POLE: variants seen among roughly 807,000 people sequenced by gnomAD.
POLE encodes DNA polymerase epsilon catalytic subunit A.
A neutral mutation model predicts 279.2 loss-of-function variants in POLE; 188 were observed. The observed-to-expected ratio is 0.67, with a 90% CI of 0.60 to 0.76. The LOEUF (loss-of-function observed/expected upper bound fraction) is 0.76. Among genes scored for constraint, POLE ranks in the 30% least tolerant of loss-of-function variants. The probability of loss-of-function intolerance (pLI) is 0.00; values close to 1 mark genes in which losing one functional copy is unlikely to be tolerated. For synonymous variants in POLE, 1,214 were observed against 1,172.5 expected, an observed-to-expected ratio of 1.04 and a Z score of -0.72; for missense variants, 2,703 against 3,016.7, an observed-to-expected ratio of 0.90 and a Z score of 2.44.
At position 132,672,809 on chromosome 12, in the gene POLE, C is replaced by G. The variant is rs764955570; in HGVS notation, c.1504G>C (p.Glu502Gln). Residue 502 changes from glutamate (E) to glutamine (Q), a missense_variant, in exon 15 of 49, where the codon GAG (glutamate) becomes CAG (glutamine). Transcript: ENST00000320574. Reference sequence around the variant, plus strand: ...AAGGCCTGCACCATCAGCAAGGCCTCACACAGAGTGCCAGAGCCCTTCCGC... The same window carrying G: ...AAGGCCTGCACCATCAGCAAGGCCTGACACAGAGTGCCAGAGCCCTTCCGC... The part of the protein sequence containing the change: ...VLRKGSGTLC[E>Q]ALLMVQAFHA... 1.9e-6 allele frequency: 3 copies of G among 1,614,022 alleles called. No homozygotes were observed. Among genetic ancestry groups the G allele is most frequent in the African/African-American group, 2.7e-5 (2 of 74,944 alleles).
intron 2 of POLE, 137 bp downstream of exon 2, chr12:132,681,001 G>C (rs2043153946): frequency 4.9e-6 from 5 of 1,013,188 alleles, no homozygotes; most frequent in Admixed American, 2.6e-5. Flanking sequence ...GAGGAAAGGA[G>C]AGCTGGGAAC....
chr12:132,643,241 CG>C lies in POLE; in HGVS notation c.4533del (p.Val1512SerfsTer50). The C allele has an allele frequency of 6.2e-7, 1 of 1,613,682 alleles. No homozygotes were observed. The highest frequency in any genetic ancestry group is 8.5e-7 in the Non-Finnish European group (1 of 1,179,958). ...GIFIPSQRRA[S>X]VFVLDTVRSN... ...GGACTCACAGTGTCCAGCACAAAGA[CG>C]GATGCCCTGCGCTGTGAGGGGATGA... On this transcript the variant is annotated frameshift_variant, in exon 35 of 49. Transcript: ENST00000320574. LOFTEE classifies it high-confidence loss of function.
intron 45 of POLE, 63 bp from the exon 46 acceptor site, chr12:132,626,380 AC>A (rs2138433030): frequency 6.7e-7 from 1 of 1,491,746 alleles, no homozygotes; most frequent in Non-Finnish European, 9.3e-7. Flanking sequence ...CTCTGTCTGG[AC>A]CAGAACCCTC....
chr12:132,629,265 C>G (rs779157639), intron 45 of POLE, among the ~76,000 whole-genome samples: 1 of 152,216 alleles, frequency 6.6e-6, no homozygotes, highest in Non-Finnish European at 1.5e-5. Context: ...ACTGAATGAG[C>G]AGTGGCTTCG....
rs1188267036 is a variant in POLE, at chr12:132,634,697, T to C, written c.5812-319A>G. On this transcript the variant is annotated intron_variant, in intron 42 of 48. Coordinates refer to ENST00000320574, the MANE Select transcript of POLE (RefSeq NM_006231.4). This position sits in a 1 kb window ranked among gnomAD's most constrained non-coding sequence, Gnocchi z 4.0. ...GAAAGAACCAGCCAGAGCTTCCCGG[T>C]GACTGTTCTCTCCTCTGAGTCCATG... is the stretch of plus-strand genomic sequence containing the variant. Among the ~76,000 whole-genome samples, 1 of 152,160 alleles carries C rather than the reference T, an allele frequency of 6.6e-6. No homozygotes were observed. Among genetic ancestry groups the C allele is most frequent in the Non-Finnish European group, 1.5e-5 (1 of 68,024 alleles).
intron 26 of POLE, 161 bp from the exon 27 acceptor site, chr12:132,658,131 A>G (rs558961398): frequency 4.5e-5 from 26 of 579,184 alleles, no homozygotes; most frequent in East Asian, 3.8e-4. Flanking sequence ...ACATGCCTAC[A>G]GGTTCCTCGG....
In POLE at chr12:132,668,557, CCCA is replaced by C. The variant is rs1228622723; in HGVS notation, c.2027-58_2027-56del. ...AAAGGAGGCACAGACACACCGGCTT[CCCA>C]CCAAGTGGAGAAAGGCGGCCGACAC... is the stretch of plus-strand genomic sequence containing the variant. On this transcript the variant is annotated intron_variant, in intron 18 of 48. Coordinates refer to ENST00000320574, the MANE Select transcript of POLE (RefSeq NM_006231.4). The surrounding 1 kb of genome is among the most constrained non-coding windows in gnomAD (Gnocchi z 4.0). 13 of 1,581,834 alleles carry C rather than the reference CCCA, an allele frequency of 8.2e-6. No homozygotes were observed. The African/African-American group carries it at 1.8e-4, about 21-fold the overall frequency.
chr12:132,632,224 C>A, intron 45 of POLE, 91 bp downstream of exon 45: 2 of 971,056 alleles, frequency 2.1e-6, no homozygotes, highest in Non-Finnish European at 3.2e-6. Context: ...TCATGGTGCA[C>A]GCATTACAGC....
intron 32 of POLE, among the ~76,000 whole-genome samples, chr12:132,648,119 C>T (rs1265531670): frequency 1.3e-5 from 2 of 152,206 alleles, no homozygotes; most frequent in Non-Finnish European, 2.9e-5. Context: ...ATCTAAGAGC[C>T]TCAGCGCACT....
chr12:132,635,715 T>C (rs570737113), intron 42 of POLE, among the ~76,000 whole-genome samples, 177 bp downstream of exon 42: 10 of 152,334 alleles, frequency 6.6e-5, no homozygotes, highest in African/African-American at 2.4e-4. Context: ...GACGCCACAC[T>C]CCACACTGAC....
rs1593086474 is a variant in POLE at position 132,680,224 on chromosome 12, T to C, written c.286-2A>G. On this transcript the variant is annotated splice_acceptor_variant, in intron 3 of 48. Coordinates refer to ENST00000320574, the MANE Select transcript of POLE (RefSeq NM_006231.4). LOFTEE classifies it high-confidence loss of function. The stretch of plus-strand genomic sequence containing the variant: ...ATACGGTTTATAGGGCAAAGCCACC[T>C]GTTAAGAGTCACCAACCCATCCAGG... 6.2e-7 allele frequency: 1 copy of C among 1,613,824 alleles called. No individual in the cohort carries two copies. Among genetic ancestry groups the C allele is most frequent in the Non-Finnish European group, 8.5e-7 (1 of 1,179,688 alleles).
At position 132,639,210 on chromosome 12, in the gene POLE, G is replaced by A. The variant is rs753627422; in HGVS notation, c.5467C>T (p.Arg1823Cys). The A allele has an allele frequency of 7.4e-6, 12 of 1,614,042 alleles. No individual in the cohort carries two copies. The highest frequency in any genetic ancestry group is 3.3e-5 in the Admixed American group (2 of 60,014). ...YADNQVMHFY[R>C]WLRSPSSLLH... ...AGAGAGGATGGCGACCGAAGCCAGC[G>A]GTAGAAGTGCATCACCTGGTTGTCT... Residue 1823 changes from arginine (R) to cysteine (C), a missense_variant, in exon 40 of 49, where the codon CGC (arginine) becomes TGC (cysteine). Coordinates refer to ENST00000320574, the MANE Select transcript of POLE (RefSeq NM_006231.4). This position sits in a 1 kb window ranked among gnomAD's most constrained non-coding sequence, Gnocchi z 4.7.
intron 1 of POLE, among the ~76,000 whole-genome samples, chr12:132,686,148 ATTACAGGT>A (rs1262751900): frequency 4.0e-5 from 6 of 151,852 alleles, no homozygotes; most frequent in African/African-American, 1.4e-4. Flanking sequence ...AAGTGCTGGG[ATTACAGGT>A]GTGAGCCACC....
At position 132,649,889 on chromosome 12, in the gene POLE, C is replaced by T. The variant is rs773503806; in HGVS notation, c.3583G>A (p.Val1195Ile). 1.2e-6 allele frequency: 2 copies of T among 1,613,478 alleles called. No individual in the cohort carries two copies. The highest frequency in any genetic ancestry group is 1.7e-6 in the Non-Finnish European group (2 of 1,179,780). Residue 1195 changes from valine to isoleucine, a missense_variant and splice_region_variant, in exon 30 of 49, where the codon GTC becomes ATC. Coordinates refer to ENST00000320574, the MANE Select transcript of POLE (RefSeq NM_006231.4). The stretch of plus-strand genomic sequence containing the variant: ...TCTTCTGAGGCCTCGGCCATCGTGA[C>T]CTGGAAAGACCCAGTGAAGCCTTAA... The part of the protein sequence containing the change: ...ELFTLEGRRQ[V>I]TMAEASEDSP...
Position 132,649,678 on chromosome 12 carries a change from T to C in POLE, c.3794A>G (p.Gln1265Arg), listed in dbSNP as rs1555224038. 6.2e-7 allele frequency: 1 copy of C among 1,613,844 alleles called. No individual in the cohort carries two copies. The highest frequency in any genetic ancestry group is 8.5e-7 in the Non-Finnish European group (1 of 1,179,972). ...CAGTATCACAGCTGTGTGCCTTACC[T>C]GGCTGGTTCCCAGGGCGGGAGGCTG... ...LGQPPALGTS[Q>R]EEWLVWLRFH... Residue 1265 changes from glutamine (Q) to arginine (R), a missense_variant and splice_region_variant, in exon 30 of 49, where the codon CAG becomes CGG. Physicochemically the swap from Gln to Arg is conservative, Grantham distance 43. Transcript: ENST00000320574.
Position 132,661,101 on chromosome 12 carries a change from G to T in POLE, c.2928C>A (p.Arg976=), listed in dbSNP as rs5744845. The T allele has an allele frequency of 6.2e-7, 1 of 1,613,684 alleles. No individual in the cohort carries two copies. The highest frequency in any genetic ancestry group is 2.2e-5 in the East Asian group (1 of 44,876). ...AELKGFEVKR[R]GELQLIKIFQ... The stretch of plus-strand genomic sequence containing the variant: ...AGATCTTAATCAGCTGCAGTTCCCC[G>T]CGGCGTTTGACCTCAAAGCCCTTGA... The change falls in exon 25 of 49, where the codon CGC becomes CGA. Residue 976 remains arginine (R), a synonymous_variant. Transcript: ENST00000320574. This position sits in a 1 kb window ranked among gnomAD's most constrained non-coding sequence, Gnocchi z 4.1.
chr12:132,686,761 GTC>G (rs1338512545), intron 1 of POLE, among the ~76,000 whole-genome samples: 4 of 152,106 alleles, frequency 2.6e-5, no homozygotes, highest in South Asian at 4.2e-4. Flanking sequence ...AGGAGACGAG[GTC>G]TCTCTCTGTA....
intron 1 of POLE, 73 bp from the exon 2 acceptor site, chr12:132,681,352 C>CTTTTTTTTCT (rs2043165040): frequency 7.0e-7 from 1 of 1,435,380 alleles, no homozygotes; most frequent in African/African-American, 1.4e-5. Context: ...TCTTTTTTTT[C>CTTTTTTTTCT]TTTTTTTTTG....
At chr12:132,657,306 C>G (rs752621068) in intron 28 of POLE, 43 bp downstream of exon 28, 2 of 1,614,014 alleles carry the variant, frequency 1.2e-6, no homozygotes, top group Non-Finnish European at 1.7e-6. Context: ...TCTAACTGCA[C>G]AGTTTTTAGC....
Sources: gnomAD v4.1 joint callset for allele counts (sites outside exome capture counted in the v4.1 genomes callset) on GRCh38, gnomAD v4.1.1 for gene constraint, Gnocchi (gnomAD v3.1) non-coding constraint, MANE v1.5 for transcripts, NCBI Gene and HGNC (gene_info 2026-07-23, HGNC 2026-07-21) for gene names.